NBAS: variants seen among roughly 807,000 people sequenced by gnomAD.
NBAS encodes NBAS subunit of NRZ tethering complex.
NBAS carries 219 observed loss-of-function variants against 302.5 expected under a neutral mutation model. The ratio of observed to expected loss-of-function variants is 0.72; its 90% CI spans 0.65 to 0.81. NBAS has a LOEUF of 0.81. NBAS is among the 30% of genes least tolerant of loss of function. The probability of loss-of-function intolerance (pLI) is 0.00; values close to 1 mark genes in which losing one functional copy is unlikely to be tolerated. For missense variants in NBAS, 2,932 were observed against 2,841.6 expected (o/e 1.03, Z -0.72); for synonymous variants, 1,118 against 1,021.6 (o/e 1.09, Z -1.80).
chr2:15,517,377 T>C (rs1014651396), intron 9 of NBAS, among the ~76,000 whole-genome samples: 5 of 152,120 alleles, frequency 3.3e-5, no homozygotes, highest in Non-Finnish European at 4.4e-5. Context: ...GGAAAACATA[T>C]ACAATGTGAA....
intron 2 of NBAS, among the ~76,000 whole-genome samples, chr2:15,558,150 C>T (rs1664731326): frequency 6.6e-6 from 1 of 152,164 alleles, no homozygotes; most frequent in African/African-American, 2.4e-5. Flanking sequence ...ATCCCTCACA[C>T]GTGCAGTTCA....
At chr2:14,811,507 T>C in the NBAS span, among the ~76,000 whole-genome samples, 1 of 152,210 alleles carries the variant, frequency 6.6e-6, no homozygotes. Context: ...TATTTGGTGA[T>C]ATCTGAAGAC....
chr2:15,011,604 C>T, the NBAS span, among the ~76,000 whole-genome samples: 1 of 152,070 alleles, frequency 6.6e-6, no homozygotes, highest in Non-Finnish European at 1.5e-5. Flanking sequence ...GCTGACTTAG[C>T]AATTGTGCAC....
At chr2:15,098,418 G>A in the NBAS span, among the ~76,000 whole-genome samples, 15 of 56,632 alleles carry the variant, frequency 2.6e-4, no homozygotes, top group African/African-American at 9.7e-4. Flanking sequence ...ATGATATATT[G>A]TATATTATAT....
chr2:15,212,753 G>C (rs560208988), intron 48 of NBAS, among the ~76,000 whole-genome samples: 3 of 152,076 alleles, frequency 2.0e-5, no homozygotes, highest in Non-Finnish European at 4.4e-5. Context: ...AGCCTCCTTC[G>C]CTTGGCTTTC....
the NBAS span, among the ~76,000 whole-genome samples, chr2:15,065,130 C>T: frequency 1.3e-5 from 2 of 152,032 alleles, no homozygotes; most frequent in East Asian, 3.9e-4. Context: ...TTAATTAGTA[C>T]AAATATGTTG....
chr2:15,327,693 T>C, intron 38 of NBAS, 57 bp downstream of exon 38: 1 of 1,604,114 alleles, frequency 6.2e-7, no homozygotes, highest in Non-Finnish European at 8.5e-7. Flanking sequence ...AAATTTTTGG[T>C]TAACAATGTT....
At chr2:14,947,507 A>G in the NBAS span, among the ~76,000 whole-genome samples, 6,580 of 152,160 alleles carry the variant, frequency 0.043, 439 homozygotes, top group African/African-American at 0.15. Flanking sequence ...AATAACAAGT[A>G]AAGAGATCAG....
chr2:14,900,500 TTTATGGTTTGG>T, the NBAS span, among the ~76,000 whole-genome samples: 2 of 152,236 alleles, frequency 1.3e-5, no homozygotes, highest in East Asian at 1.9e-4. Flanking sequence ...CTATTCATCC[TTTATGGTTTGG>T]TTATGGTTTG....
intron 32 of NBAS, among the ~76,000 whole-genome samples, chr2:15,356,802 G>A (rs566957132): frequency 2.6e-5 from 4 of 152,262 alleles, no homozygotes; most frequent in South Asian, 2.1e-4. Context: ...TTAAGTGAAC[G>A]GATGAAGATG....
At chr2:15,521,468 A>G (rs989101591) in intron 9 of NBAS, among the ~76,000 whole-genome samples, 5 of 152,352 alleles carry the variant, frequency 3.3e-5, no homozygotes, top group African/African-American at 1.2e-4. Context: ...TTGAGCACCA[A>G]TTATGTGCCA....
At chr2:14,908,179 C>T in the NBAS span, among the ~76,000 whole-genome samples, 2 of 152,182 alleles carry the variant, frequency 1.3e-5, no homozygotes, top group Non-Finnish European at 2.9e-5. Flanking sequence ...CTGGCTAACA[C>T]GGTGAAACCC....
intron 28 of NBAS, among the ~76,000 whole-genome samples, chr2:15,385,307 T>C (rs1675232614): frequency 6.6e-6 from 1 of 152,208 alleles, no homozygotes; most frequent in Admixed American, 6.5e-5. Context: ...GAAGTGAGTG[T>C]CCATCTTGCA....
intron 32 of NBAS, 21 bp from the exon 33 acceptor site, chr2:15,356,437 C>G: frequency 6.4e-7 from 1 of 1,558,634 alleles, no homozygotes; most frequent in South Asian, 1.1e-5. Context: ...AAGCAAAGGA[C>G]TTAATGATTA....
intron 44 of NBAS, among the ~76,000 whole-genome samples, chr2:15,241,731 A>G (rs1417366622): frequency 6.6e-6 from 1 of 152,198 alleles, no homozygotes; most frequent in Non-Finnish European, 1.5e-5. Flanking sequence ...TACATGTGCC[A>G]TCCTCTCCCG....
At chr2:15,547,014 T>C (rs1664148681) in intron 6 of NBAS, among the ~76,000 whole-genome samples, 1 of 152,238 alleles carries the variant, frequency 6.6e-6, no homozygotes, top group Admixed American at 6.5e-5. Context: ...AAAAATCTGT[T>C]GACTACCATA....
chr2:14,974,089 T>C, the NBAS span, among the ~76,000 whole-genome samples: 1 of 152,244 alleles, frequency 6.6e-6, no homozygotes, highest in Non-Finnish European at 1.5e-5. Context: ...ATTTTATCTA[T>C]ACACTCCCAC....
At chr2:14,979,819 C>A in the NBAS span, among the ~76,000 whole-genome samples, 1 of 152,138 alleles carries the variant, frequency 6.6e-6, no homozygotes, top group Non-Finnish European at 1.5e-5. Flanking sequence ...GGAAGCCTCT[C>A]CTGGTTAGTG....
intron 42 of NBAS, among the ~76,000 whole-genome samples, chr2:15,280,359 A>G (rs1389215102): frequency 6.6e-6 from 1 of 152,150 alleles, no homozygotes; most frequent in Non-Finnish European, 1.5e-5. Context: ...GGAGGCAAGA[A>G]GGAAGAAGGT....
Sources: allele counts gnomAD v4.1 joint callset (sites outside exome capture counted in the v4.1 genomes callset), GRCh38; gene constraint gnomAD v4.1.1; transcripts MANE v1.5; gene names NCBI Gene and HGNC (gene_info 2026-07-23, HGNC 2026-07-21).